Variants in ROCK2 observed in about 807,000 individuals in gnomAD.
The protein encoded by ROCK2 is Rho associated coiled-coil containing protein kinase 2.
ROCK2 carries 61 observed loss-of-function variants against 195.1 expected under a neutral mutation model. The observed-to-expected ratio is 0.31, with a 90% CI of 0.25 to 0.39. ROCK2 has a LOEUF of 0.39. Among genes scored for constraint, ROCK2 ranks in the 10% least tolerant of loss-of-function variants. The probability of loss-of-function intolerance (pLI) is 1.00; values close to 1 mark genes in which losing one functional copy is unlikely to be tolerated. For synonymous variants in ROCK2, 504 were observed against 545.5 expected (o/e 0.92, Z 1.06); for missense variants, 1,109 against 1,637.4 (o/e 0.68, Z 5.57).
chr2:11,222,092 T>C lies in ROCK2; in HGVS notation c.1090A>G (p.Ile364Val), dbSNP rs1187197699. 6 of 1,594,972 alleles carry C rather than the reference T, an allele frequency of 3.8e-6. No individual in the cohort carries two copies. The East Asian group carries it at 9.0e-5, about 24-fold the overall frequency. ...AGGTTTATTGACTTACTTTCTCTTATGTTATCCCAATGCCACTGATCATTC... is the reference window on the plus strand; with the variant it reads ...AGGTTTATTGACTTACTTTCTCTTACGTTATCCCAATGCCACTGATCATTC... The part of the protein sequence containing the change: ...FKNDQWHWDN[I>V]RETAAPVVPE... The change falls in exon 8 of 33, where the codon ATA (isoleucine) becomes GTA (valine). Residue 364 changes from isoleucine (I) to valine (V), a missense_variant. Transcript: ENST00000315872.
At chr2:11,330,925 AGAGGAGGAGGGAGG>A (rs1668729478) in intron 1 of ROCK2, among the ~76,000 whole-genome samples, 1 of 1,106 alleles carries the variant, frequency 9.0e-4, no homozygotes, top group Admixed American at 0.012. Flanking sequence ...AGGGAGGAGG[AGAGGAGGAGGGAGG>A]AAGGGGGGAG....
chr2:11,340,626 TCTTA>T (rs1453133964), intron 1 of ROCK2, among the ~76,000 whole-genome samples: 3 of 152,230 alleles, frequency 2.0e-5, no homozygotes, highest in Admixed American at 6.5e-5. Context: ...TTTATAATGT[TCTTA>T]CTTATTACAT....
intron 3 of ROCK2, among the ~76,000 whole-genome samples, chr2:11,271,436 G>C (rs1024859584): frequency 6.6e-6 from 1 of 152,164 alleles, no homozygotes; most frequent in African/African-American, 2.4e-5. Flanking sequence ...ACTGGTTCTC[G>C]TGGCAATTTC....
intron 3 of ROCK2, among the ~76,000 whole-genome samples, chr2:11,269,644 A>G (rs1334538762): frequency 6.6e-6 from 1 of 152,166 alleles, no homozygotes; most frequent in African/African-American, 2.4e-5. Flanking sequence ...CTTCGGATAT[A>G]AGACATATTC....
chr2:11,268,488 T>G (rs866182966), intron 3 of ROCK2, among the ~76,000 whole-genome samples: 51 of 149,764 alleles, frequency 3.4e-4, no homozygotes, highest in African/African-American at 1.2e-3. Flanking sequence ...GTTTTTTTCC[T>G]TGTGTGTGTG....
chr2:11,294,295 T>C (rs1213928132), intron 1 of ROCK2, among the ~76,000 whole-genome samples: 3 of 152,228 alleles, frequency 2.0e-5, no homozygotes, highest in African/African-American at 4.8e-5. Context: ...ATTGTTCTAA[T>C]GGTGATAGTG....
intron 3 of ROCK2, among the ~76,000 whole-genome samples, chr2:11,259,126 A>G (rs1199000405): frequency 6.6e-6 from 1 of 151,170 alleles, no homozygotes; most frequent in Non-Finnish European, 1.5e-5. Context: ...TCTAGAATAA[A>G]CCTGTTGTTG....
chr2:11,258,327 T>C (rs1380326623), intron 3 of ROCK2, among the ~76,000 whole-genome samples: 2 of 151,546 alleles, frequency 1.3e-5, no homozygotes, highest in African/African-American at 4.9e-5. Flanking sequence ...TCTCATACCC[T>C]TACTACCTGC....
rs1402668660 is a variant in ROCK2 at position 11,198,663 on chromosome 2, T to A, written c.3004+18A>T. On this transcript the variant is annotated intron_variant, in intron 24 of 32. Transcript: ENST00000315872. ...ACATTAGGTATATTAAAAATAAACATTTTTTGTTAATACATACGCTCTTGA... is the reference window on the plus strand; with the variant it reads ...ACATTAGGTATATTAAAAATAAACAATTTTTGTTAATACATACGCTCTTGA... 1 of 1,581,178 alleles carries A rather than the reference T, an allele frequency of 6.3e-7. No homozygotes were observed. Among genetic ancestry groups the A allele is most frequent in the South Asian group, 1.1e-5 (1 of 87,648 alleles).
chr2:11,295,978 G>A lies in ROCK2; in HGVS notation c.142-8242C>T, dbSNP rs192397875. 6.7e-3 allele frequency among the ~76,000 whole-genome samples: 535 copies of A among 79,972 alleles called. 17 individuals carry two copies. Among genetic ancestry groups the A allele is most frequent in the African/African-American group, 0.02 (505 of 24,704 alleles). 52.5% of individuals were successfully genotyped at this position (79,972 alleles called of 152,430 possible). ...TCTCAAAAAACAAAAGAGAGAGAGA[G>A]AGAGAGAGAGAGGAGAGAGAGAGAG... On this transcript the variant is annotated intron_variant, in intron 1 of 32. Transcript: ENST00000315872.
At chr2:11,264,663 T>C (rs1189305662) in intron 3 of ROCK2, among the ~76,000 whole-genome samples, 1 of 152,134 alleles carries the variant, frequency 6.6e-6, no homozygotes, top group Admixed American at 6.5e-5. Flanking sequence ...TGCCATTATA[T>C]AAACTGTATT....
chr2:11,288,260 T>C (rs1476122740), intron 1 of ROCK2, among the ~76,000 whole-genome samples: 1 of 152,190 alleles, frequency 6.6e-6, no homozygotes, highest in Non-Finnish European at 1.5e-5. Context: ...TTTCTTTACA[T>C]TTCTGTATTT....
intron 1 of ROCK2, among the ~76,000 whole-genome samples, chr2:11,334,699 A>C (rs1194628611): frequency 1.3e-5 from 2 of 151,116 alleles, no homozygotes; most frequent in African/African-American, 4.8e-5. Context: ...TCATGCAGGT[A>C]ATTAAGACAA....
At chr2:11,198,198 T>C (rs1663711337) in intron 25 of ROCK2, among the ~76,000 whole-genome samples, 1 of 152,168 alleles carries the variant, frequency 6.6e-6, no homozygotes, top group South Asian at 2.1e-4. Flanking sequence ...TGTCAGCAAA[T>C]GGTCAATCCC....
intron 28 of ROCK2, among the ~76,000 whole-genome samples, chr2:11,194,708 C>A (rs568293167): frequency 1.8e-4 from 27 of 152,066 alleles, no homozygotes; most frequent in Middle Eastern, 3.4e-3. Flanking sequence ...CTTTTCCCAA[C>A]AAAACAGCAA....
intron 5 of ROCK2, among the ~76,000 whole-genome samples, chr2:11,231,556 G>T (rs1255391472): frequency 6.6e-6 from 1 of 152,156 alleles, no homozygotes; most frequent in African/African-American, 2.4e-5. Context: ...TTAAAAGGAG[G>T]TAAAGGTTGC....
At chr2:11,324,459 G>A (rs953840846) in intron 1 of ROCK2, among the ~76,000 whole-genome samples, 2 of 133,952 alleles carry the variant, frequency 1.5e-5, no homozygotes, top group East Asian at 2.3e-4. Flanking sequence ...ACAAACTTAT[G>A]TTCACACAAA....
chr2:11,180,055 TG>T lies in ROCK2; in HGVS notation c.*3381del, dbSNP rs1662921264. 6.6e-6 allele frequency: 1 copy of T among 151,948 alleles called. No individual in the cohort carries two copies. Among genetic ancestry groups the T allele is most frequent in the African/African-American group, 2.4e-5 (1 of 41,324 alleles). The allele number at this position is 151,948 out of a possible 1,614,324, so 9.4% of individuals were successfully genotyped here. On this transcript the variant is annotated 3_prime_UTR_variant, in exon 33 of 33. Coordinates refer to ENST00000315872, the MANE Select transcript of ROCK2 (RefSeq NM_004850.5). ...TGCTTATGTTCAAAGTGCTTACAAA[TG>T]GTGTCTTCACAGCATAGGGAAGCTG...
At chr2:11,243,685 G>T (rs946253711) in intron 4 of ROCK2, among the ~76,000 whole-genome samples, 1 of 152,008 alleles carries the variant, frequency 6.6e-6, no homozygotes. Flanking sequence ...AACTGTCAAG[G>T]TCATCAAAAA....
Sources: gnomAD v4.1 joint callset for allele counts (sites outside exome capture counted in the v4.1 genomes callset) on GRCh38, gnomAD v4.1.1 for gene constraint, MANE v1.5 for transcripts, NCBI Gene and HGNC (gene_info 2026-07-23, HGNC 2026-07-21) for gene names.